The following EBF2 variants were observed in gnomAD, a reference collection of about 807,000 sequenced individuals.
The protein encoded by EBF2 is transcription factor COE2.
Under a neutral mutation model 72.8 loss-of-function variants are expected in EBF2, and 21 were observed. The ratio of observed to expected loss-of-function variants is 0.29; its 90% CI spans 0.20 to 0.42. EBF2 has a LOEUF of 0.42. Among genes scored for constraint, EBF2 ranks in the 10% least tolerant of loss-of-function variants. The pLI is 1.00. For synonymous variants in EBF2, 299 were observed against 274.2 expected, an observed-to-expected ratio of 1.09 and a Z score of -0.89; for missense variants, 637 against 731.2, an observed-to-expected ratio of 0.87 and a Z score of 1.49.
At chr8:25,854,090 A>G (rs988601078) in intron 14 of EBF2, among the ~76,000 whole-genome samples, 1 of 152,130 alleles carries the variant, frequency 6.6e-6, no homozygotes, top group African/African-American at 2.4e-5. Context: ...TTAAAAATGG[A>G]AAATCTCGAT....
intron 6 of EBF2, among the ~76,000 whole-genome samples, chr8:25,922,120 C>G (rs4872378): frequency 0.53 from 81,131 of 151,942 alleles, 24,202 homozygotes; most frequent in East Asian, 0.74. Flanking sequence ...CATGGGACTC[C>G]CATAAATCAG....
Position 25,842,928 on chromosome 8 carries a change from C to A in EBF2, c.*1681G>T, listed in dbSNP as rs1222840045. ...CCCAACCAAGAACCCCAAACTAAGTCTGTGTATAGACTCTATTGTGGTGCT... is the reference window on the plus strand; with the variant it reads ...CCCAACCAAGAACCCCAAACTAAGTATGTGTATAGACTCTATTGTGGTGCT... On this transcript the variant is annotated 3_prime_UTR_variant, in exon 16 of 16. Transcript: ENST00000520164. 1 of 152,182 alleles carries A rather than the reference C, an allele frequency of 6.6e-6. No homozygotes were observed. The highest frequency in any genetic ancestry group is 1.5e-5 in the Non-Finnish European group (1 of 68,030). 9.4% of individuals were successfully genotyped at this position (152,182 alleles called of 1,614,324 possible). A position where few individuals can be genotyped will look rare whatever the true frequency, so the allele number is the denominator to read the frequency against.
intron 11 of EBF2, 48 bp from the exon 12 acceptor site, chr8:25,861,422 T>C (rs1184203325): frequency 1.2e-6 from 2 of 1,603,702 alleles, no homozygotes; most frequent in East Asian, 2.2e-5. Flanking sequence ...AAATCCAAGA[T>C]GGCAAACAAA....
chr8:25,984,550 C>A (rs1031604525), intron 6 of EBF2, among the ~76,000 whole-genome samples: 1 of 152,084 alleles, frequency 6.6e-6, no homozygotes, highest in Non-Finnish European at 1.5e-5. Context: ...GGCCTGGTGG[C>A]GCACGCCTGC....
At chr8:25,983,031 A>G (rs998182983) in intron 6 of EBF2, among the ~76,000 whole-genome samples, 44 of 152,306 alleles carry the variant, frequency 2.9e-4, no homozygotes, top group African/African-American at 1.0e-3. Context: ...ATGACTTTCT[A>G]CAAATCACTT....
chr8:25,975,205 C>T (rs1168070628), intron 6 of EBF2, among the ~76,000 whole-genome samples: 2 of 152,086 alleles, frequency 1.3e-5, no homozygotes, highest in African/African-American at 2.4e-5. Context: ...CTGCTCAGCC[C>T]GGGTGAGCAG....
chr8:25,870,180 C>G (rs1234029790), intron 10 of EBF2, among the ~76,000 whole-genome samples: 2 of 152,162 alleles, frequency 1.3e-5, no homozygotes, highest in Non-Finnish European at 2.9e-5. Flanking sequence ...CAAACACAAA[C>G]AGCTGCCTGG....
At chr8:25,866,252 G>A (rs56189569) in intron 10 of EBF2, among the ~76,000 whole-genome samples, 17,312 of 151,082 alleles carry the variant, frequency 0.11, 1,075 homozygotes, top group Middle Eastern at 0.17. Flanking sequence ...CAATAAAGTT[G>A]GATATTCTTG....
At chr8:25,941,981 TA>T (rs1205269035) in intron 6 of EBF2, among the ~76,000 whole-genome samples, 3 of 152,200 alleles carry the variant, frequency 2.0e-5, no homozygotes, top group Non-Finnish European at 4.4e-5. Context: ...CTTGAGTATC[TA>T]TTACCTGAAG....
chr8:25,854,557 G>T (rs1802045187), intron 14 of EBF2, among the ~76,000 whole-genome samples: 1 of 152,038 alleles, frequency 6.6e-6, no homozygotes, highest in African/African-American at 2.4e-5. Context: ...ATTAACAATG[G>T]TTACCTCTGC....
intron 10 of EBF2, among the ~76,000 whole-genome samples, chr8:25,869,917 G>T (rs796870275): frequency 3.3e-4 from 51 of 152,286 alleles, no homozygotes; most frequent in African/African-American, 1.2e-3. Flanking sequence ...AGTGGTAAAG[G>T]TGGGATCTGT....
intron 15 of EBF2, 114 bp downstream of exon 15, chr8:25,850,480 G>A (rs1801941031): frequency 4.7e-6 from 6 of 1,284,844 alleles, no homozygotes; most frequent in Non-Finnish European, 6.2e-6. Flanking sequence ...GATAAGAACA[G>A]CAAAGCATCT....
intron 8 of EBF2, 82 bp downstream of exon 8, chr8:25,889,670 C>T: frequency 8.8e-7 from 1 of 1,140,464 alleles, no homozygotes; most frequent in Admixed American, 1.8e-5. Context: ...TGCTCTGACT[C>T]CAAGACATAA....
chr8:25,929,037 T>C (rs564025036), intron 6 of EBF2, among the ~76,000 whole-genome samples: 32 of 152,330 alleles, frequency 2.1e-4, no homozygotes, highest in African/African-American at 7.2e-4. Flanking sequence ...ATTATTATAA[T>C]CAGTTCAAAA....
chr8:25,903,683 C>A (rs1303378563), intron 7 of EBF2, among the ~76,000 whole-genome samples: 1 of 151,834 alleles, frequency 6.6e-6, no homozygotes, highest in African/African-American at 2.4e-5. Context: ...GGCGACAGAG[C>A]GAGACTCCGT....
In EBF2 at chr8:25,866,537, T is replaced by C. The variant is rs1802321843; in HGVS notation, c.1010-3740A>G. Among the ~76,000 whole-genome samples the C allele has an allele frequency of 2.1e-5, 3 of 142,348 alleles. No individual in the cohort carries two copies. In the Admixed American group the frequency reaches 2.2e-4, roughly 10 times the overall value. The allele number at this position is 142,348 out of a possible 152,430, so 93.4% of individuals were successfully genotyped here. On this transcript the variant is annotated intron_variant, in intron 10 of 15. Transcript: ENST00000520164. ...ATATATAATATAAAAATATATAATA[T>C]ATATTATATGTAATTTTTATGTATT...
chr8:25,941,949 T>A (rs1803681089), intron 6 of EBF2, among the ~76,000 whole-genome samples: 1 of 152,238 alleles, frequency 6.6e-6, no homozygotes, highest in African/African-American at 2.4e-5. Context: ...AATGGATCAC[T>A]TCTTCAGTCA....
intron 6 of EBF2, among the ~76,000 whole-genome samples, chr8:25,944,312 T>C (rs111739177): frequency 1.3e-5 from 2 of 152,140 alleles, no homozygotes; most frequent in Admixed American, 6.5e-5. Context: ...TCTCTAGACT[T>C]GTAAGAGCAT....
intron 6 of EBF2, among the ~76,000 whole-genome samples, chr8:25,967,013 C>A (rs1293382604): frequency 6.6e-6 from 1 of 152,150 alleles, no homozygotes; most frequent in Admixed American, 6.5e-5. Context: ...GGAAAAGCTG[C>A]CATGGATGCT....
Sources: allele counts gnomAD v4.1 joint callset (sites outside exome capture counted in the v4.1 genomes callset), GRCh38; gene constraint gnomAD v4.1.1; transcripts MANE v1.5; gene names NCBI Gene and HGNC (gene_info 2026-07-23, HGNC 2026-07-21).